Variants in POLG2 observed in about 807,000 individuals in gnomAD.
POLG2 encodes the protein DNA polymerase subunit gamma-2.
POLG2 carries 50 observed loss-of-function variants against 56.5 expected under a neutral mutation model. The observed-to-expected ratio is 0.88, with a 90% CI of 0.71 to 1.12. POLG2 has a LOEUF of 1.12. Among genes scored for constraint, POLG2 ranks in the 50% most tolerant of loss-of-function variants. The probability of loss-of-function intolerance (pLI) is 0.00; values close to 1 mark genes in which losing one functional copy is unlikely to be tolerated. For synonymous variants in POLG2, 226 were observed against 222.6 expected, an observed-to-expected ratio of 1.02 and a Z score of -0.14; for missense variants, 584 against 583.3, an observed-to-expected ratio of 1.00 and a Z score of -0.01.
chr17:64,491,099 C>T (rs1036652238), intron 3 of POLG2, 130 bp from the exon 4 acceptor site: 8 of 730,596 alleles, frequency 1.1e-5, no homozygotes, highest in East Asian at 5.4e-5. Flanking sequence ...AGTCAAGTCC[C>T]GAATACAAAT....
At chr17:64,493,082 C>A in intron 1 of POLG2, 61 bp from the exon 2 acceptor site, 1 of 1,533,120 alleles carries the variant, frequency 6.5e-7, no homozygotes, top group South Asian at 1.1e-5. Flanking sequence ...TCATTTTTGT[C>A]AATAGACACA....
Position 64,492,972 on chromosome 17 carries a change from T to A in POLG2, c.612A>T (p.Leu204=). 3 of 1,613,984 alleles carry A rather than the reference T, an allele frequency of 1.9e-6. No individual in the cohort carries two copies. The highest frequency in any genetic ancestry group is 2.5e-6 in the Non-Finnish European group (3 of 1,179,848). ...VNCLDLVNKR[L]PYGLAQIGVC... ...CTCCAATCTGAGCAAGGCCATAAGG[T>A]AGCCTCTTGTTTACCAGATCCAGGC... Residue 204 remains leucine (L), a synonymous_variant, in exon 2 of 8, where the codon CTA becomes CTT. Transcript: ENST00000539111.
chr17:64,484,442 G>C (rs2037917398), intron 5 of POLG2, among the ~76,000 whole-genome samples: 1 of 152,212 alleles, frequency 6.6e-6, no homozygotes. Context: ...GTGGAGAACA[G>C]CAGATCAAAA....
intron 6 of POLG2, among the ~76,000 whole-genome samples, chr17:64,480,704 CAG>C (rs1283311223): frequency 6.6e-6 from 1 of 151,944 alleles, no homozygotes; most frequent in African/African-American, 2.4e-5. Context: ...CAGATTCTGT[CAG>C]AAAAAAACCA....
rs1568079613 is a variant in POLG2 at position 64,477,856 on chromosome 17, CAA to C, written c.1423_1424del (p.Leu475AspfsTer2). The C allele has an allele frequency of 1.9e-6, 3 of 1,608,296 alleles. No individual in the cohort carries two copies. Among genetic ancestry groups the C allele is most frequent in the South Asian group, 2.2e-5 (2 of 90,010 alleles). On this transcript the variant is annotated frameshift_variant, in exon 8 of 8. Transcript: ENST00000539111. LOFTEE classifies it high-confidence loss of function. ...MMHISKLKDFLIKYISSAKNV is the reference protein window; with the variant it reads ...MMHISKLKDFXIKYISSAKNV ...TCTTAGCTGATGATATATACTTAAT[CAA>C]AAAGTCTTTTAATTTGGATATATGC...
chr17:64,494,040 C>T (rs574337835), intron 1 of POLG2, among the ~76,000 whole-genome samples: 3 of 152,252 alleles, frequency 2.0e-5, no homozygotes, highest in Admixed American at 1.3e-4. Context: ...TTCCAATTTT[C>T]ACCCCAAATA....
chr17:64,483,206 G>A (rs190163713), intron 5 of POLG2, among the ~76,000 whole-genome samples: 154 of 152,264 alleles, frequency 1.0e-3, no homozygotes, highest in African/African-American at 3.6e-3. Flanking sequence ...TCTCCACTTA[G>A]ATGTTTGGCA....
rs781872075 is a variant in POLG2 at position 64,492,684 on chromosome 17, G to A, written c.778C>T (p.Leu260Phe). ...TGCAGTACCTTTCTCCACCACTGGA[G>A]TCGATGACGTAACCAGAAATCAAGC... ...QWLDFWLRHR[L>F]QWWRKFAMSP... is the part of the protein sequence containing the mutation. The change falls in exon 3 of 8, where the codon CTC (leucine) becomes TTC (phenylalanine). Residue 260 changes from leucine (L) to phenylalanine (F), a missense_variant. Leu to Phe is a conservative substitution (Grantham distance 22, BLOSUM62 0). Coordinates refer to ENST00000539111, the MANE Select transcript of POLG2 (RefSeq NM_007215.4). 1.7e-5 allele frequency: 28 copies of A among 1,606,798 alleles called. No homozygotes were observed. The highest frequency in any genetic ancestry group is 3.3e-5 in the Admixed American group (2 of 59,992).
chr17:64,492,583 T>C (rs2038079580), intron 3 of POLG2, 84 bp downstream of exon 3: 1 of 765,578 alleles, frequency 1.3e-6, no homozygotes, highest in African/African-American at 1.7e-5. Flanking sequence ...CAAATATAAT[T>C]TCTTGTATGT....
intron 3 of POLG2, 121 bp downstream of exon 3, chr17:64,492,546 G>A (rs929189814): frequency 6.0e-6 from 4 of 668,806 alleles, no homozygotes; most frequent in Non-Finnish European, 1.0e-5. Context: ...TTTTGTATTT[G>A]TATAATATAT....
rs781840547 is a variant in POLG2, at chr17:64,496,862, C to T, written c.107G>A (p.Arg36Lys). The change falls in exon 1 of 8, where the codon AGG (arginine) becomes AAG (lysine). Residue 36 changes from arginine to lysine, a missense_variant. Arg to Lys is a conservative substitution (Grantham distance 26). Transcript: ENST00000539111. ...CACATGCCCTCCTTTGGGGCTACTC[C>T]TTTCCGTCAACAGCTCCGGCTGCCC... ...DAGQPELLTERSSPKGGHVKS... is the reference protein window; with the variant it reads ...DAGQPELLTEKSSPKGGHVKS... 2 of 1,613,862 alleles carry T rather than the reference C, an allele frequency of 1.2e-6. No homozygotes were observed. Among genetic ancestry groups the T allele is most frequent in the South Asian group, 1.1e-5 (1 of 91,086 alleles).
chr17:64,492,457 A>G (rs2038077433), intron 3 of POLG2, among the ~76,000 whole-genome samples: 1 of 152,260 alleles, frequency 6.6e-6, no homozygotes, highest in Non-Finnish European at 1.5e-5. Flanking sequence ...AGGCTAATTA[A>G]CAAACACATC....
At chr17:64,491,510 TA>T (rs1568089267) in intron 3 of POLG2, 4 of 1,501,928 alleles carry the variant, frequency 2.7e-6, no homozygotes, top group South Asian at 1.1e-5. Flanking sequence ...ACTATGTCTC[TA>T]AAAAAACCAA....
At chr17:64,490,715 T>G (rs1036531787) in intron 4 of POLG2, 81 bp downstream of exon 4, 1 of 1,086,944 alleles carries the variant, frequency 9.2e-7, no homozygotes, top group African/African-American at 1.5e-5. Context: ...ACACCACGTT[T>G]GCACCTTATT....
At chr17:64,487,225 C>T (rs945892148) in intron 4 of POLG2, 2 of 152,174 alleles carry the variant, frequency 1.3e-5, no homozygotes, top group South Asian at 2.1e-4. Flanking sequence ...TAAAGATTCA[C>T]AAGAATTTGC....
intron 4 of POLG2, chr17:64,490,365 C>T (rs1279880538): frequency 4.5e-6 from 1 of 223,602 alleles, no homozygotes. Flanking sequence ...AGTACTACCA[C>T]TTCTGTAGTA....
Position 64,496,738 on chromosome 17 carries a change from A to G in POLG2, c.231T>C (p.His77=). Residue 77 remains histidine (H), a synonymous_variant, in exon 1 of 8, where the codon CAT becomes CAC. Transcript: ENST00000539111. ...EALLEICQRR[H]FLSGSKQQLS... ...GCTGCTGCTTGCTTCCACTTAGGAA[A>G]TGCCTTCTCTGACAGATCTCTAACA... 6.2e-7 allele frequency: 1 copy of G among 1,613,994 alleles called. No homozygotes were observed. Among genetic ancestry groups the G allele is most frequent in the Non-Finnish European group, 8.5e-7 (1 of 1,180,006 alleles).
intron 1 of POLG2, among the ~76,000 whole-genome samples, chr17:64,493,868 CATCAATT>C (rs1485613773): frequency 1.3e-5 from 2 of 152,182 alleles, no homozygotes; most frequent in Non-Finnish European, 2.9e-5. Context: ...TACCTAGATT[CATCAATT>C]ATCAACATTT....
In POLG2 at chr17:64,496,574, T is replaced by C. The variant is rs781836299; in HGVS notation, c.395A>G (p.His132Arg). 5.6e-6 allele frequency: 9 copies of C among 1,613,034 alleles called. No homozygotes were observed. Among genetic ancestry groups the C allele is most frequent in the South Asian group, 1.1e-5 (1 of 91,002 alleles). ...REQVFPVDAL[H>R]HKPGPLLPGD... ...GGGTAGCAAAGGGCCTGGTTTGTGGTGGAGGGCGTCCACCGGGAATACCTG... is the reference window on the plus strand; with the variant it reads ...GGGTAGCAAAGGGCCTGGTTTGTGGCGGAGGGCGTCCACCGGGAATACCTG... The change falls in exon 1 of 8, where the codon CAC (histidine) becomes CGC (arginine). Residue 132 changes from histidine to arginine, a missense_variant. His to Arg is a conservative substitution (Grantham distance 29, BLOSUM62 0). Coordinates refer to ENST00000539111, the MANE Select transcript of POLG2 (RefSeq NM_007215.4).
Sources: gnomAD v4.1 joint callset for allele counts (sites outside exome capture counted in the v4.1 genomes callset) on GRCh38, gnomAD v4.1.1 for gene constraint, MANE v1.5 for transcripts, NCBI Gene and HGNC (gene_info 2026-07-23, HGNC 2026-07-21) for gene names.